TNRC6A: variants seen among roughly 807,000 people sequenced by gnomAD.
The protein encoded by TNRC6A is trinucleotide repeat containing adaptor 6A.
In TNRC6A, 44 loss-of-function variants were observed where a neutral mutation model predicts 221.2. The ratio of observed to expected loss-of-function variants is 0.20; its 90% confidence interval spans 0.16 to 0.26. The LOEUF (loss-of-function observed/expected upper bound fraction) is 0.26. Ranked by LOEUF, TNRC6A falls within the 10% of genes least tolerant of loss-of-function variation. The pLI is 1.00. For synonymous variants in TNRC6A, 847 were observed against 838.5 expected (o/e 1.01, Z -0.18); for missense variants, 2,199 against 2,404.4 (o/e 0.91, Z 1.79).
intron 2 of TNRC6A, among the ~76,000 whole-genome samples, chr16:24,658,005 G>T (rs968281194): frequency 6.6e-6 from 1 of 152,098 alleles, no homozygotes; most frequent in African/African-American, 2.4e-5. Context: ...TTTGTGACAT[G>T]ATTTTCAGGT....
chr16:24,789,144 T>C (rs1408080260), intron 5 of TNRC6A, 88 bp from the exon 6 acceptor site: 1 of 1,298,816 alleles, frequency 7.7e-7, no homozygotes, highest in Non-Finnish European at 1.0e-6. Context: ...CATATATTTA[T>C]AACATATTCG....
Position 24,790,210 on chromosome 16 carries a change from G to A in TNRC6A, c.1568G>A (p.Gly523Asp). 6.2e-7 allele frequency: 1 copy of A among 1,614,168 alleles called. No individual in the cohort carries two copies. Among genetic ancestry groups the A allele is most frequent in the Non-Finnish European group, 8.5e-7 (1 of 1,180,024 alleles). The change falls in exon 6 of 25, where the codon GGT (glycine) becomes GAT (aspartate). Residue 523 changes from glycine (G) to aspartate (D), a missense_variant. By Grantham distance (94) the Gly-to-Asp change is moderately conservative. Coordinates refer to ENST00000395799, the MANE Select transcript of TNRC6A (RefSeq NM_014494.4). ...GGAGGCTCTTATGGTACTACATGGG[G>A]TGCCTATGGTTCTAATTACTCTGGA... ...KSGGSYGTTW[G>D]AYGSNYSGDK...
At chr16:24,751,228 T>G (rs2057130185) in intron 3 of TNRC6A, among the ~76,000 whole-genome samples, 1 of 152,218 alleles carries the variant, frequency 6.6e-6, no homozygotes, top group Admixed American at 6.5e-5. Flanking sequence ...TTGTGTTTTG[T>G]TAAATGAGGG....
chr16:24,729,753 G>A lies in TNRC6A; in HGVS notation c.-89G>A. The A allele has an allele frequency of 2.3e-6, 3 of 1,317,678 alleles. No homozygotes were observed. The highest frequency in any genetic ancestry group is 2.9e-6 in the Non-Finnish European group (3 of 1,030,028). 81.6% of individuals were successfully genotyped at this position (1,317,678 alleles called of 1,614,324 possible). A position where few individuals can be genotyped will look rare whatever the true frequency, so the allele number is the denominator to read the frequency against. On this transcript the variant is annotated 5_prime_UTR_variant, in exon 1 of 25. Coordinates refer to ENST00000395799, the MANE Select transcript of TNRC6A (RefSeq NM_014494.4). ...GTGTAGAAAATGGCGCTGGTGCAGC[G>A]GCTCGGGCCTCTCCCCGCGGCGCTG...
chr16:24,775,636 AT>A (rs769378244), intron 4 of TNRC6A, among the ~76,000 whole-genome samples: 1 of 152,348 alleles, frequency 6.6e-6, no homozygotes, highest in Non-Finnish European at 1.5e-5. Flanking sequence ...GGACACAGTA[AT>A]AACTTCACTT....
intron 2 of TNRC6A, among the ~76,000 whole-genome samples, chr16:24,657,117 G>C (rs534386768): frequency 6.6e-6 from 1 of 150,928 alleles, no homozygotes; most frequent in Non-Finnish European, 1.5e-5. Flanking sequence ...GTTGGAGAAC[G>C]GCCTGGGAGA....
In TNRC6A at chr16:24,664,524, A is replaced by G. The variant is rs969060952; in HGVS notation, n.402+23515A>G. Among the ~76,000 whole-genome samples the G allele has an allele frequency of 2.1e-5, 3 of 143,342 alleles. No homozygotes were observed. The South Asian group carries it at 6.3e-4, about 30-fold the overall frequency. The allele number at this position is 143,342 out of a possible 152,430, so 94.0% of individuals were successfully genotyped here. A position where few individuals can be genotyped will look rare whatever the true frequency, so the allele number is the denominator to read the frequency against. On this transcript the variant is annotated intron_variant and non_coding_transcript_variant, in intron 2 of 2. Transcript: ENST00000566108. The stretch of plus-strand genomic sequence containing the variant: ...ATAAATATAATAATATATAATAAAT[A>G]TAATATATATATTTTTAAAATATAA...
At chr16:24,810,736 A>C (rs1168370558) in intron 18 of TNRC6A, among the ~76,000 whole-genome samples, 1 of 152,198 alleles carries the variant, frequency 6.6e-6, no homozygotes, top group African/African-American at 2.4e-5. Flanking sequence ...GTGTGGTGCA[A>C]ATCATGGAAA....
chr16:24,664,458 T>C (rs2055103071), intron 2 of TNRC6A, among the ~76,000 whole-genome samples: 1 of 144,514 alleles, frequency 6.9e-6, no homozygotes, highest in African/African-American at 2.5e-5. Flanking sequence ...TAATATATTT[T>C]ATTTTTAAAT....
At chr16:24,680,422 T>TA (rs113860323) in intron 2 of TNRC6A, among the ~76,000 whole-genome samples, 12,236 of 142,404 alleles carry the variant, frequency 0.086, 966 homozygotes, top group African/African-American at 0.22. Context: ...CACTGTCTCT[T>TA]AAAAAAAAAA....
Position 24,685,704 on chromosome 16 carries a change from C to T in TNRC6A, n.402+44695C>T, listed in dbSNP as rs528755693. 2.9e-4 allele frequency among the ~76,000 whole-genome samples: 44 copies of T among 152,294 alleles called. No individual in the cohort carries two copies. In the East Asian group the frequency reaches 3.7e-3, roughly 13 times the overall value. On this transcript the variant is annotated intron_variant and non_coding_transcript_variant, in intron 2 of 2. Transcript: ENST00000566108. Reference sequence around the variant, plus strand: ...TCTGAAAATGTCTTAAATTCTGGTGCCACTACCAACTATCTGGTGCCCTTG... The same window carrying T: ...TCTGAAAATGTCTTAAATTCTGGTGTCACTACCAACTATCTGGTGCCCTTG...
In TNRC6A at chr16:24,743,773, A is replaced by G. The variant is rs538598331; in HGVS notation, c.54-6953A>G. On this transcript the variant is annotated intron_variant, in intron 2 of 24. Transcript: ENST00000395799. ...ATACTGTTTTTTACCATTTAAGAGT[A>G]ACTTACAGACATGATACCCCTTTAC... Among the ~76,000 whole-genome samples, 45 of 152,346 alleles carry G rather than the reference A, an allele frequency of 3.0e-4. No individual in the cohort carries two copies. The South Asian group carries it at 4.8e-3, about 16-fold the overall frequency.
At chr16:24,679,596 C>T (rs921860596) in intron 2 of TNRC6A, among the ~76,000 whole-genome samples, 3 of 152,148 alleles carry the variant, frequency 2.0e-5, no homozygotes, top group African/African-American at 7.2e-5. Context: ...CCAGCCTCAG[C>T]CTCCCAAGTA....
chr16:24,738,731 A>G (rs988654868), intron 2 of TNRC6A, among the ~76,000 whole-genome samples: 2 of 152,228 alleles, frequency 1.3e-5, no homozygotes, highest in Non-Finnish European at 2.9e-5. Flanking sequence ...GCTATTATGA[A>G]TAATATTGCT....
intron 2 of TNRC6A, among the ~76,000 whole-genome samples, chr16:24,694,655 A>G (rs1031621883): frequency 1.0e-4 from 1 of 9,684 alleles, no homozygotes. Context: ...CTCTGTCTCA[A>G]AAAAAAAAAA....
intron 2 of TNRC6A, among the ~76,000 whole-genome samples, chr16:24,655,397 A>G (rs1028459187): frequency 4.6e-5 from 7 of 152,070 alleles, no homozygotes; most frequent in African/African-American, 1.7e-4. Context: ...GTCTTTTAAG[A>G]GTTATTCCTG....
Position 24,815,285 on chromosome 16 carries a change from G to C in TNRC6A, c.4811G>C (p.Ser1604Thr), listed in dbSNP as rs369985659. 3 of 1,614,216 alleles carry C rather than the reference G, an allele frequency of 1.9e-6. No individual in the cohort carries two copies. The highest frequency in any genetic ancestry group is 1.7e-6 in the Non-Finnish European group (2 of 1,180,040). ...CGTGCCAAATCGCCTAACGGCTCTA[G>C]CAGTGTTAATTGGCCACCAGGTAAA... ...WPRAKSPNGS[S>T]SVNWPPEFRP... The change falls in exon 19 of 25, where the codon AGC (serine) becomes ACC (threonine). Residue 1604 changes from serine (S) to threonine (T), a missense_variant. Ser to Thr is a moderately conservative substitution (Grantham distance 58). Coordinates refer to ENST00000395799, the MANE Select transcript of TNRC6A (RefSeq NM_014494.4).
At chr16:24,808,659 C>T (rs2058482914) in intron 17 of TNRC6A, among the ~76,000 whole-genome samples, 1 of 152,194 alleles carries the variant, frequency 6.6e-6, no homozygotes, top group South Asian at 2.1e-4. Flanking sequence ...GTTTGACAGA[C>T]CTTAACATCA....
chr16:24,793,302 C>T (rs915117867), intron 6 of TNRC6A, 171 bp from the exon 7 acceptor site: 6 of 425,556 alleles, frequency 1.4e-5, no homozygotes, highest in Admixed American at 8.9e-5. Flanking sequence ...AATAGTTTGT[C>T]TTTTTTTAAC....
Sources: allele counts gnomAD v4.1 joint callset (sites outside exome capture counted in the v4.1 genomes callset), GRCh38; gene constraint gnomAD v4.1.1; transcripts MANE v1.5; gene names NCBI Gene and HGNC (gene_info 2026-07-23, HGNC 2026-07-21).